The following SPATA9 variants were observed in gnomAD, a reference collection of about 807,000 sequenced individuals.
SPATA9 encodes the protein spermatogenesis associated 9.
A neutral mutation model predicts 25.5 loss-of-function variants in SPATA9; 27 were observed. The observed-to-expected ratio is 1.06, with a 90% CI of 0.78 to 1.46. The LOEUF (loss-of-function observed/expected upper bound fraction) is 1.46. SPATA9 is among the 40% of genes most tolerant of loss of function. SPATA9 has a pLI of 0.00. For synonymous variants in SPATA9, 102 were observed against 105.7 expected (o/e 0.97, Z 0.21); for missense variants, 282 against 297.5 (o/e 0.95, Z 0.38).
chr5:95,706,881 ATTTG>A, the SPATA9 span, among the ~76,000 whole-genome samples: 13 of 152,220 alleles, frequency 8.5e-5, no homozygotes, highest in East Asian at 3.9e-4. Context: ...CTTTATTAAT[ATTTG>A]TTTAATATTT....
chr5:95,670,139 T>C (rs1752233135), intron 3 of SPATA9, among the ~76,000 whole-genome samples: 1 of 152,064 alleles, frequency 6.6e-6, no homozygotes, highest in Non-Finnish European at 1.5e-5. Context: ...CTATGACATA[T>C]TAAGCATGCT....
intron 2 of SPATA9, among the ~76,000 whole-genome samples, chr5:95,676,616 A>G (rs953176807): frequency 2.0e-5 from 3 of 152,168 alleles, no homozygotes; most frequent in Non-Finnish European, 4.4e-5. Flanking sequence ...CTTGTCCCAG[A>G]ATTTGACCAC....
chr5:95,728,680 A>T, the SPATA9 span, among the ~76,000 whole-genome samples: 1 of 152,204 alleles, frequency 6.6e-6, no homozygotes, highest in Non-Finnish European at 1.5e-5. Flanking sequence ...CTGAACCAGA[A>T]TGACTCCATC....
Position 95,669,955 on chromosome 5 carries a change from T to G in SPATA9, c.378+5457A>C, listed in dbSNP as rs576029082. On this transcript the variant is annotated intron_variant, in intron 3 of 4. Coordinates refer to ENST00000274432, the MANE Select transcript of SPATA9 (RefSeq NM_031952.4). ...CCTGGAGGGGTTTGAGGAATAATTT[T>G]ATTCAGCATCCATAGAGCCAAGTAC... Among the ~76,000 whole-genome samples, 94 of 152,244 alleles carry G rather than the reference T, an allele frequency of 6.2e-4. 1 individual carries two copies. The highest frequency in any genetic ancestry group is 1.9e-3 in the African/African-American group (80 of 41,566).
the SPATA9 span, among the ~76,000 whole-genome samples, chr5:95,714,124 C>T: frequency 2.6e-5 from 4 of 151,896 alleles, no homozygotes; most frequent in African/African-American, 7.3e-5. Context: ...GCTGAGTTTG[C>T]ATAAATATAT....
At chr5:95,700,501 C>T (rs753159207), upstream of SPATA9, among the ~76,000 whole-genome samples, 8 of 152,070 alleles carry the variant, frequency 5.3e-5, no homozygotes, top group Non-Finnish European at 8.8e-5. Context: ...GGTTTCACCA[C>T]GTCGGTCAGG....
At chr5:95,712,074 G>A in the SPATA9 span, among the ~76,000 whole-genome samples, 12 of 152,248 alleles carry the variant, frequency 7.9e-5, no homozygotes, top group African/African-American at 2.2e-4. Flanking sequence ...GCAAGGCCGG[G>A]ACTCCATAAA....
chr5:95,691,285 T>C (rs1753884362), intron 1 of SPATA9, among the ~76,000 whole-genome samples: 1 of 152,236 alleles, frequency 6.6e-6, no homozygotes, highest in South Asian at 2.1e-4. Context: ...TAATAGGCTG[T>C]TACTTTCATC....
At chr5:95,656,273 C>T (rs1426877091), downstream of SPATA9, 1 of 1,612,270 alleles carries the variant, frequency 6.2e-7, no homozygotes, top group African/African-American at 1.3e-5. Flanking sequence ...ATTTTTATGC[C>T]ACTGGAGACT....
At chr5:95,654,459 T>C (rs2112516984), downstream of SPATA9, 3 of 849,384 alleles carry the variant, frequency 3.5e-6, no homozygotes, top group East Asian at 8.0e-5. Flanking sequence ...TTTAATGCTT[T>C]GAATATAATT....
At chr5:95,686,517 ATGAAT>A (rs1753750101), upstream of SPATA9, among the ~76,000 whole-genome samples, 1 of 152,214 alleles carries the variant, frequency 6.6e-6, no homozygotes, top group South Asian at 2.1e-4. Context: ...AGTTTATGAC[ATGAAT>A]TGAAAGTATG....
chr5:95,654,314 A>G (rs1750580607), downstream of SPATA9: 1 of 1,608,840 alleles, frequency 6.2e-7, no homozygotes, highest in Non-Finnish European at 8.5e-7. Flanking sequence ...ACTGCAGGTA[A>G]TATTCAATTC....
intron 2 of SPATA9, among the ~76,000 whole-genome samples, chr5:95,681,373 C>T (rs1386952232): frequency 6.6e-6 from 1 of 152,190 alleles, no homozygotes; most frequent in Non-Finnish European, 1.5e-5. Flanking sequence ...TGCTTCCCTG[C>T]CCCTACCCAC....
At chr5:95,664,937 C>A (rs941953265) in intron 3 of SPATA9, among the ~76,000 whole-genome samples, 3 of 150,842 alleles carry the variant, frequency 2.0e-5, no homozygotes, top group East Asian at 1.9e-4. Context: ...AAAACTAAAA[C>A]AATGATCGTT....
At chr5:95,655,875 G>C (rs150111909), downstream of SPATA9, 52 of 592,636 alleles carry the variant, frequency 8.8e-5, no homozygotes, top group Admixed American at 1.3e-4. Context: ...AAAAGAGCTT[G>C]ATGACTCTTC....
the SPATA9 span, among the ~76,000 whole-genome samples, chr5:95,714,049 A>T: frequency 1.3e-5 from 2 of 152,092 alleles, no homozygotes; most frequent in Admixed American, 6.6e-5. Context: ...CCTTTTCCCT[A>T]ATTTTTTATA....
chr5:95,660,700 A>C (rs1039347357), intron 4 of SPATA9, among the ~76,000 whole-genome samples: 1 of 152,138 alleles, frequency 6.6e-6, no homozygotes, highest in African/African-American at 2.4e-5. Context: ...CTCACCAACA[A>C]AAAATTATAT....
chr5:95,693,159 A>G (rs1039585584), intron 1 of SPATA9, among the ~76,000 whole-genome samples: 3 of 152,232 alleles, frequency 2.0e-5, no homozygotes, highest in Non-Finnish European at 4.4e-5. Flanking sequence ...GTAAACTGGC[A>G]TGCTTACTTT....
At chr5:95,707,517 TAA>T in the SPATA9 span, among the ~76,000 whole-genome samples, 6 of 91,110 alleles carry the variant, frequency 6.6e-5, no homozygotes, top group Non-Finnish European at 1.4e-4. Context: ...TTTACAGAAG[TAA>T]AGTAGTCAAA....
Sources: gnomAD v4.1 joint callset for allele counts (sites outside exome capture counted in the v4.1 genomes callset) on GRCh38, gnomAD v4.1.1 for gene constraint, MANE v1.5 for transcripts, NCBI Gene and HGNC (gene_info 2026-07-23, HGNC 2026-07-21) for gene names.